The following NT5C2 variants were observed in gnomAD, a reference collection of about 807,000 sequenced individuals.
NT5C2 encodes cytosolic purine 5'-nucleotidase.
In NT5C2, 58 loss-of-function variants were observed where a neutral mutation model predicts 76.1. That is an observed-to-expected ratio of 0.76 (90% confidence interval 0.62 to 0.95). The LOEUF is 0.95. NT5C2 is among the 40% of genes least tolerant of loss of function. The probability of loss-of-function intolerance (pLI) is 0.00; values close to 1 mark genes in which losing one functional copy is unlikely to be tolerated. For missense variants in NT5C2, 478 were observed against 690.3 expected (o/e 0.69, Z 3.45); for synonymous variants, 229 against 237.4 (o/e 0.96, Z 0.32).
chr10:103,190,477 A>C (rs1489869141), intron 1 of NT5C2, among the ~76,000 whole-genome samples: 2 of 152,222 alleles, frequency 1.3e-5, no homozygotes, highest in Non-Finnish European at 2.9e-5. Context: ...TGAGCAAAAA[A>C]AACTAACATT....
chr10:103,149,254 A>C (rs983370973), intron 3 of NT5C2, among the ~76,000 whole-genome samples: 3 of 152,232 alleles, frequency 2.0e-5, no homozygotes, highest in African/African-American at 4.8e-5. Context: ...TTTAAATGTA[A>C]AAGAAGGTCT....
intron 3 of NT5C2, among the ~76,000 whole-genome samples, chr10:103,158,612 T>C (rs2083984231): frequency 6.6e-6 from 1 of 151,394 alleles, no homozygotes; most frequent in Admixed American, 6.6e-5. Flanking sequence ...AGGTGAGGAG[T>C]TCGAGACCAG....
intron 6 of NT5C2, 107 bp from the exon 7 acceptor site, chr10:103,101,433 G>C: frequency 3.1e-6 from 2 of 638,608 alleles, no homozygotes; most frequent in Admixed American, 2.6e-5. Context: ...CTATGTGCAA[G>C]ACAGAATTCC....
chr10:103,159,182 A>G (rs2084161403), intron 3 of NT5C2, among the ~76,000 whole-genome samples: 2 of 151,322 alleles, frequency 1.3e-5, no homozygotes, highest in South Asian at 4.2e-4. Context: ...ACAGTGCACT[A>G]TGATCAGGCC....
chr10:103,123,482 T>G (rs2076087918), intron 4 of NT5C2, among the ~76,000 whole-genome samples: 1 of 152,178 alleles, frequency 6.6e-6, no homozygotes, highest in Admixed American at 6.5e-5. Context: ...CCCAAAGCAC[T>G]GGGATTACCC....
At chr10:103,125,135 T>A (rs2076425465) in intron 4 of NT5C2, 1 of 525,326 alleles carries the variant, frequency 1.9e-6, no homozygotes, top group African/African-American at 2.0e-5. Flanking sequence ...TGGAAGCAGA[T>A]TACTCTACCA....
At chr10:103,167,442 C>A (rs991534840) in intron 3 of NT5C2, among the ~76,000 whole-genome samples, 1 of 151,966 alleles carries the variant, frequency 6.6e-6, no homozygotes, top group African/African-American at 2.4e-5. Context: ...ATATTTGAAC[C>A]AATACTAAAA....
intron 4 of NT5C2, 61 bp downstream of exon 4, chr10:103,139,345 G>T: frequency 8.9e-7 from 1 of 1,122,608 alleles, no homozygotes; most frequent in Non-Finnish European, 1.3e-6. Context: ...ATTGCCTACT[G>T]TGAACCCACT....
intron 1 of NT5C2, among the ~76,000 whole-genome samples, chr10:103,186,375 T>C (rs183718963): frequency 4.6e-5 from 7 of 152,352 alleles, no homozygotes; most frequent in Admixed American, 3.9e-4. Context: ...TACTTGATGT[T>C]TGCAGGAATG....
chr10:103,118,611 C>G (rs1243121978), intron 4 of NT5C2, among the ~76,000 whole-genome samples: 1 of 152,194 alleles, frequency 6.6e-6, no homozygotes, highest in Admixed American at 6.5e-5. Flanking sequence ...GCCTCGGCCT[C>G]CCAAAGTGCT....
At chr10:103,112,846 T>C (rs1243197604) in intron 4 of NT5C2, among the ~76,000 whole-genome samples, 1 of 152,240 alleles carries the variant, frequency 6.6e-6, no homozygotes, top group East Asian at 1.9e-4. Context: ...ATGTTGGTTC[T>C]CTAAGCCTCT....
intron 6 of NT5C2, 40 bp downstream of exon 6, chr10:103,105,666 C>A (rs1315143837): frequency 8.3e-6 from 11 of 1,320,184 alleles, no homozygotes; most frequent in Middle Eastern, 1.8e-4. Flanking sequence ...CATTGTTTGA[C>A]TTTAACATTA....
At chr10:103,161,882 G>A (rs1221009776) in intron 3 of NT5C2, among the ~76,000 whole-genome samples, 1 of 152,220 alleles carries the variant, frequency 6.6e-6, no homozygotes, top group Admixed American at 6.5e-5. Flanking sequence ...GCTGGAGAGA[G>A]AGGGAAACGT....
intron 2 of NT5C2, 145 bp from the exon 3 acceptor site, chr10:103,175,127 T>C: frequency 1.9e-6 from 1 of 513,246 alleles, no homozygotes; most frequent in Non-Finnish European, 3.5e-6. Context: ...GTAAATATGC[T>C]GAAAATTATA....
chr10:103,181,128 T>C (rs1023018778), intron 2 of NT5C2, 57 bp downstream of exon 2: 2 of 152,006 alleles, frequency 1.3e-5, no homozygotes, highest in Non-Finnish European at 2.9e-5. Flanking sequence ...GATGGTTTCA[T>C]GGGTACATAT....
chr10:103,091,283 G>A (rs747095016), intron 16 of NT5C2, among the ~76,000 whole-genome samples: 6 of 151,978 alleles, frequency 3.9e-5, no homozygotes, highest in Admixed American at 2.0e-4. Flanking sequence ...CAAGCAACCC[G>A]CCTGCCTTGG....
At chr10:103,091,501 C>T in intron 16 of NT5C2, 63 bp downstream of exon 16, 1 of 1,288,842 alleles carries the variant, frequency 7.8e-7, no homozygotes, top group South Asian at 1.2e-5. Context: ...CTGGAAAGAA[C>T]ATTTCTTATA....
chr10:103,176,861 CA>C (rs949406953), intron 2 of NT5C2, among the ~76,000 whole-genome samples: 3 of 152,158 alleles, frequency 2.0e-5, no homozygotes, highest in African/African-American at 7.2e-5. Context: ...GCTTGTACAT[CA>C]AATGTGTCTC....
intron 4 of NT5C2, among the ~76,000 whole-genome samples, chr10:103,126,182 G>C (rs1363830676): frequency 1.3e-5 from 2 of 151,960 alleles, no homozygotes; most frequent in Non-Finnish European, 2.9e-5. Context: ...AAGAGGCCTC[G>C]AAAAAAGGGA....
Sources: allele counts gnomAD v4.1 joint callset (sites outside exome capture counted in the v4.1 genomes callset), GRCh38; gene constraint gnomAD v4.1.1; transcripts MANE v1.5; gene names NCBI Gene and HGNC (gene_info 2026-07-23, HGNC 2026-07-21).